KIRREL3: variants seen among roughly 807,000 people sequenced by gnomAD.
KIRREL3 encodes kin of IRRE-like protein 3.
In KIRREL3, 36 loss-of-function variants were observed where a neutral mutation model predicts 89.7. The ratio of observed to expected loss-of-function variants is 0.40; its 90% confidence interval spans 0.31 to 0.53. KIRREL3 has a LOEUF of 0.53. Among genes scored for constraint, KIRREL3 ranks in the 20% least tolerant of loss-of-function variants. The probability of loss-of-function intolerance (pLI) is 0.49; values close to 1 mark genes in which losing one functional copy is unlikely to be tolerated. For missense variants in KIRREL3, 864 were observed against 1,056.6 expected, an observed-to-expected ratio of 0.82 and a Z score of 2.53; for synonymous variants, 445 against 441.4, an observed-to-expected ratio of 1.01 and a Z score of -0.10.
At position 126,635,034 on chromosome 11, in the gene KIRREL3, T is replaced by A. The variant is rs1257827664; in HGVS notation, c.56-72122A>T. Among the ~76,000 whole-genome samples, 1 of 152,224 alleles carries A rather than the reference T, an allele frequency of 6.6e-6. No homozygotes were observed. Among genetic ancestry groups the A allele is most frequent in the African/African-American group, 2.4e-5 (1 of 41,460 alleles). ...CCAGCTTCTGGGCTCTTCTTGCCCC[T>A]AAACTTCTCCTCGATCAGGAGTAAT... On this transcript the variant is annotated intron_variant, in intron 1 of 16. Coordinates refer to ENST00000525144, the MANE Select transcript of KIRREL3 (RefSeq NM_032531.4). This position sits in a 1 kb window ranked among gnomAD's most constrained non-coding sequence, Gnocchi z 4.0.
intron 1 of KIRREL3, among the ~76,000 whole-genome samples, chr11:126,865,908 G>A (rs1478405704): frequency 6.6e-6 from 1 of 151,798 alleles, no homozygotes; most frequent in African/African-American, 2.4e-5. Flanking sequence ...GTGATCCCAA[G>A]CTTCTCACCT....
chr11:126,630,190 T>C (rs1467276142), intron 1 of KIRREL3, among the ~76,000 whole-genome samples: 1 of 152,152 alleles, frequency 6.6e-6, no homozygotes. Flanking sequence ...CAGGAACTGA[T>C]GATAGTCTTT....
intron 1 of KIRREL3, among the ~76,000 whole-genome samples, chr11:126,823,062 G>C (rs1381066442): frequency 6.6e-6 from 1 of 152,102 alleles, no homozygotes; most frequent in Non-Finnish European, 1.5e-5. Flanking sequence ...ATACTCACTG[G>C]AGAGAACTCA....
chr11:126,721,937 C>T (rs1217847940), intron 1 of KIRREL3, among the ~76,000 whole-genome samples: 11 of 152,150 alleles, frequency 7.2e-5, no homozygotes, highest in Admixed American at 5.2e-4. Flanking sequence ...TTTTTGTGTT[C>T]CAGAACCATT....
At position 126,703,803 on chromosome 11, in the gene KIRREL3, A is replaced by G. The variant is rs182084182; in HGVS notation, c.56-140891T>C. Among the ~76,000 whole-genome samples, 6 of 152,192 alleles carry G rather than the reference A, an allele frequency of 3.9e-5. No individual in the cohort carries two copies. The East Asian group carries it at 1.2e-3, about 29-fold the overall frequency. ...GGGAGCCCTTGCAGAATGTGGTTGGATCCTTCTCTCTTGGCTCTGTCATCC... is the reference window on the plus strand; with the variant it reads ...GGGAGCCCTTGCAGAATGTGGTTGGGTCCTTCTCTCTTGGCTCTGTCATCC... On this transcript the variant is annotated intron_variant, in intron 1 of 16. Transcript: ENST00000525144. This position sits in a 1 kb window ranked among gnomAD's most constrained non-coding sequence, Gnocchi z 4.6.
intron 1 of KIRREL3, among the ~76,000 whole-genome samples, chr11:126,972,509 T>C (rs1949454586): frequency 6.6e-6 from 1 of 152,124 alleles, no homozygotes; most frequent in African/African-American, 2.4e-5. Flanking sequence ...GAGAAAAGGG[T>C]AGGCCAATAT....
rs1226236011 is a variant in KIRREL3 at position 126,977,377 on chromosome 11, C to T, written c.55+23078G>A. ...CTGCCATCTTTCTTGAGCCACCTTT[C>T]TTTTTCATCACCCAGCTTTTCATAT... On this transcript the variant is annotated intron_variant, in intron 1 of 16. Transcript: ENST00000525144. The surrounding 1 kb of genome is among the most constrained non-coding windows in gnomAD (Gnocchi z 4.7). 1.3e-5 allele frequency among the ~76,000 whole-genome samples: 2 copies of T among 152,176 alleles called. No homozygotes were observed. Among genetic ancestry groups the T allele is most frequent in the Non-Finnish European group, 2.9e-5 (2 of 68,036 alleles).
chr11:126,928,372 C>T (rs1001963082), intron 1 of KIRREL3, among the ~76,000 whole-genome samples: 3 of 152,190 alleles, frequency 2.0e-5, no homozygotes, highest in Non-Finnish European at 2.9e-5. Context: ...TGTCCTTGGG[C>T]CTTGAAATCC....
In KIRREL3 at chr11:126,943,497, C is replaced by T. The variant is rs1045842499; in HGVS notation, c.55+56958G>A. On this transcript the variant is annotated intron_variant, in intron 1 of 16. Coordinates refer to ENST00000525144, the MANE Select transcript of KIRREL3 (RefSeq NM_032531.4). This position sits in a 1 kb window ranked among gnomAD's most constrained non-coding sequence, Gnocchi z 4.2. ...GCTTTGCCCATTAGGAGTGTACAAG[C>T]ATATTTACACAACGCCATGGAGCAT... Among the ~76,000 whole-genome samples, 5 of 152,196 alleles carry T rather than the reference C, an allele frequency of 3.3e-5. No homozygotes were observed. The highest frequency in any genetic ancestry group is 7.3e-5 in the Non-Finnish European group (5 of 68,042).
At chr11:126,533,353 C>A (rs1959001489) in intron 2 of KIRREL3, among the ~76,000 whole-genome samples, 1 of 152,202 alleles carries the variant, frequency 6.6e-6, no homozygotes, top group Non-Finnish European at 1.5e-5. Context: ...CCCCCAGGAA[C>A]TCATAGAACC....
At position 126,655,227 on chromosome 11, in the gene KIRREL3, C is replaced by T. The variant is rs1270739099; in HGVS notation, c.56-92315G>A. Among the ~76,000 whole-genome samples the T allele has an allele frequency of 6.6e-6, 1 of 152,186 alleles. No homozygotes were observed. The highest frequency in any genetic ancestry group is 2.4e-5 in the African/African-American group (1 of 41,442). On this transcript the variant is annotated intron_variant, in intron 1 of 16. Coordinates refer to ENST00000525144, the MANE Select transcript of KIRREL3 (RefSeq NM_032531.4). The surrounding 1 kb of genome is among the most constrained non-coding windows in gnomAD (Gnocchi z 5.0). Reference sequence around the variant, plus strand: ...AGTCACTTGAGTCAGGATAATTTTTCCTGATGTCAAAGCCTCACCCAGGAG... The same window carrying T: ...AGTCACTTGAGTCAGGATAATTTTTTCTGATGTCAAAGCCTCACCCAGGAG...
In KIRREL3 at chr11:126,552,550, G is replaced by GTATT. The variant is rs201214323; in HGVS notation, c.133+10284_133+10285insAATA. Reference sequence around the variant, plus strand: ...TGCATCACACAGGGGAGAGAGAAAAGTTTTTTTTTTTTTTTTTTTTTTTTT... The same window carrying GTATT: ...TGCATCACACAGGGGAGAGAGAAAAGTATTTTTTTTTTTTTTTTTTTTTTTTTTT... On this transcript the variant is annotated intron_variant, in intron 2 of 16. Transcript: ENST00000525144. Among the ~76,000 whole-genome samples, 560 of 81,754 alleles carry GTATT rather than the reference G, an allele frequency of 6.8e-3. 34 individuals carry two copies. Among genetic ancestry groups the GTATT allele is most frequent in the African/African-American group, 0.023 (534 of 23,478 alleles). 53.6% of individuals were successfully genotyped at this position (81,754 alleles called of 152,430 possible).
intron 1 of KIRREL3, among the ~76,000 whole-genome samples, chr11:126,658,739 C>T (rs955601632): frequency 2.6e-5 from 4 of 152,150 alleles, no homozygotes; most frequent in Admixed American, 6.5e-5. Flanking sequence ...GGCTTTTCTT[C>T]CACTTCCTGC....
rs1949593004 is a variant in KIRREL3, at chr11:126,976,869, G to C, written c.55+23586C>G. Among the ~76,000 whole-genome samples the C allele has an allele frequency of 6.6e-6, 1 of 152,122 alleles. No individual in the cohort carries two copies. ...TAGGCACTTAATCCTTGATCTGGGT[G>C]ACTCTAAACCACCAACTTGTATGAT... is the stretch of plus-strand genomic sequence containing the variant. On this transcript the variant is annotated intron_variant, in intron 1 of 16. Transcript: ENST00000525144. This position sits in a 1 kb window ranked among gnomAD's most constrained non-coding sequence, Gnocchi z 4.2.
chr11:126,446,296 TTC>T lies in KIRREL3; in HGVS notation c.1125+461_1125+462del, dbSNP rs1258948072. 5.9e-5 allele frequency among the ~76,000 whole-genome samples: 9 copies of T among 151,742 alleles called. No individual in the cohort carries two copies. The East Asian group carries it at 1.6e-3, about 26-fold the overall frequency. ...TTTCTTTTCTTTCTCCTTTCTTTCTTTCTTTCTCTCTCTCTCTTCCTTTCTTC... is the reference window on the plus strand; with the variant it reads ...TTTCTTTTCTTTCTCCTTTCTTTCTTTTTCTCTCTCTCTCTTCCTTTCTTC... On this transcript the variant is annotated intron_variant, in intron 9 of 16. Coordinates refer to ENST00000525144, the MANE Select transcript of KIRREL3 (RefSeq NM_032531.4).
At position 126,750,247 on chromosome 11, in the gene KIRREL3, C is replaced by G. The variant is rs56234229; in HGVS notation, c.56-187335G>C. Among the ~76,000 whole-genome samples, 1 of 152,144 alleles carries G rather than the reference C, an allele frequency of 6.6e-6. No individual in the cohort carries two copies. Among genetic ancestry groups the G allele is most frequent in the African/African-American group, 2.4e-5 (1 of 41,490 alleles). On this transcript the variant is annotated intron_variant, in intron 1 of 16. Coordinates refer to ENST00000525144, the MANE Select transcript of KIRREL3 (RefSeq NM_032531.4). This position sits in a 1 kb window ranked among gnomAD's most constrained non-coding sequence, Gnocchi z 4.2. ...AACTTGGGGCCTTTATTTCTCAGTT[C>G]GGGACTTCTACTATGGTACTTCCTT...
At chr11:126,831,724 T>C (rs968416676) in intron 1 of KIRREL3, among the ~76,000 whole-genome samples, 3 of 152,148 alleles carry the variant, frequency 2.0e-5, no homozygotes, top group Non-Finnish European at 4.4e-5. Flanking sequence ...TTTTGAAGTA[T>C]ACTTGGCCTA....
chr11:126,586,069 A>G (rs1430088197), intron 1 of KIRREL3, among the ~76,000 whole-genome samples: 6 of 152,116 alleles, frequency 3.9e-5, no homozygotes, highest in Non-Finnish European at 7.4e-5. Flanking sequence ...CAAACTCTCT[A>G]TTGGAGCGCA....
chr11:126,485,166 C>T lies in KIRREL3; in HGVS notation c.434-11700G>A, dbSNP rs1396947442. Among the ~76,000 whole-genome samples the T allele has an allele frequency of 1.3e-5, 2 of 152,108 alleles. No individual in the cohort carries two copies. The highest frequency in any genetic ancestry group is 2.9e-5 in the Non-Finnish European group (2 of 68,012). ...GTGGCATCCGATATATTTGGCAGCA[C>T]AATCGCACAGACGTGTCTCCAAGGA... is the stretch of plus-strand genomic sequence containing the variant. On this transcript the variant is annotated intron_variant, in intron 4 of 16. Transcript: ENST00000525144. The surrounding 1 kb of genome is among the most constrained non-coding windows in gnomAD (Gnocchi z 5.8).
Sources: allele counts gnomAD v4.1 joint callset (sites outside exome capture counted in the v4.1 genomes callset), GRCh38; gene constraint gnomAD v4.1.1; non-coding constraint Gnocchi (gnomAD v3.1); transcripts MANE v1.5; gene names NCBI Gene and HGNC (gene_info 2026-07-23, HGNC 2026-07-21).